CENPP: variants seen among roughly 807,000 people sequenced by gnomAD.
The protein encoded by CENPP is centromere protein P.
A neutral mutation model predicts 35.6 loss-of-function variants in CENPP; 24 were observed. The ratio of observed to expected loss-of-function variants is 0.67; its 90% CI spans 0.49 to 0.95. The LOEUF (loss-of-function observed/expected upper bound fraction) is 0.95, where lower values mean the gene tolerates loss of function less well. CENPP is among the 40% of genes least tolerant of loss of function. The pLI is 0.00. For synonymous variants in CENPP, 120 were observed against 125.5 expected (o/e 0.96, Z 0.29); for missense variants, 332 against 345.3 (o/e 0.96, Z 0.31).
intron 5 of CENPP, among the ~76,000 whole-genome samples, chr9:92,549,379 G>A (rs1161054822): frequency 6.6e-6 from 1 of 152,224 alleles, no homozygotes; most frequent in African/African-American, 2.4e-5. Context: ...TGGCCCAGTG[G>A]CTCAAGCCTG....
intron 5 of CENPP, among the ~76,000 whole-genome samples, chr9:92,545,581 C>A (rs10114912): frequency 0.38 from 57,397 of 152,052 alleles, 13,474 homozygotes; most frequent in African/African-American, 0.66. Flanking sequence ...GCTCTGCCCC[C>A]TGCTCCACCG....
At chr9:92,507,284 T>C (rs1245880441) in intron 5 of CENPP, among the ~76,000 whole-genome samples, 1 of 152,204 alleles carries the variant, frequency 6.6e-6, no homozygotes, top group Non-Finnish European at 1.5e-5. Context: ...CTCTTTCATT[T>C]CCAAAACTAA....
At chr9:92,505,453 T>C in intron 5 of CENPP, 1 of 1,227,242 alleles carries the variant, frequency 8.1e-7, no homozygotes, top group Non-Finnish European at 1.1e-6. Context: ...TACATCACAA[T>C]AGTCTTAAAA....
intron 5 of CENPP, chr9:92,385,532 T>C: frequency 8.7e-7 from 1 of 1,155,272 alleles, no homozygotes; most frequent in Non-Finnish European, 1.2e-6. Flanking sequence ...AAGGTTAATA[T>C]TAAACCAATA....
Position 92,385,895 on chromosome 9 carries a change from A to G in CENPP, c.564+6036A>G, listed in dbSNP as rs375126745. The G allele has an allele frequency of 4.0e-6, 4 of 994,326 alleles. No individual in the cohort carries two copies. The African/African-American group carries it at 6.5e-5, about 16-fold the overall frequency. The allele number at this position is 994,326 out of a possible 1,614,324, so 61.6% of individuals were successfully genotyped here. On this transcript the variant is annotated intron_variant, in intron 5 of 7. Transcript: ENST00000375587. The stretch of plus-strand genomic sequence containing the variant: ...AAGTCAGAGGTCTGAGTGCCCCCTC[A>G]CTTCAAATCCTTGTGTCAAATTAAT...
At chr9:92,432,776 A>G (rs1337007975) in intron 5 of CENPP, among the ~76,000 whole-genome samples, 2 of 152,242 alleles carry the variant, frequency 1.3e-5, no homozygotes, top group Non-Finnish European at 2.9e-5. Context: ...TAGCAGTTTT[A>G]GAAATCACAT....
At chr9:92,374,539 A>G (rs1156804882) in intron 4 of CENPP, among the ~76,000 whole-genome samples, 1 of 152,194 alleles carries the variant, frequency 6.6e-6, no homozygotes, top group Non-Finnish European at 1.5e-5. Flanking sequence ...AACCTAGGTT[A>G]AATTAATACT....
chr9:92,452,917 T>C (rs969671159), intron 5 of CENPP, among the ~76,000 whole-genome samples: 8 of 152,114 alleles, frequency 5.3e-5, no homozygotes, highest in Admixed American at 4.6e-4. Context: ...CTGATGGTAG[T>C]TTGTATTTCT....
At chr9:92,480,642 A>G (rs537876324) in intron 5 of CENPP, among the ~76,000 whole-genome samples, 3 of 152,316 alleles carry the variant, frequency 2.0e-5, no homozygotes, top group African/African-American at 7.2e-5. Context: ...TCTAAGTGAA[A>G]TGGTATTTCC....
chr9:92,453,927 C>T (rs1236036867), intron 5 of CENPP, among the ~76,000 whole-genome samples: 1 of 151,546 alleles, frequency 6.6e-6, no homozygotes, highest in Admixed American at 6.6e-5. Context: ...TGAGACCAGC[C>T]TGGACAATTT....
chr9:92,401,324 C>T, intron 5 of CENPP: 1 of 501,390 alleles, frequency 2.0e-6, no homozygotes, highest in Non-Finnish European at 3.5e-6. Context: ...ATACATATTT[C>T]CATTTTATCA....
chr9:92,540,474 TTAAAA>T (rs1432626054), intron 5 of CENPP, among the ~76,000 whole-genome samples: 1 of 148,692 alleles, frequency 6.7e-6, no homozygotes, highest in Non-Finnish European at 1.5e-5. Flanking sequence ...TAAAAACATC[TTAAAA>T]TAATCAATGA....
intron 5 of CENPP, among the ~76,000 whole-genome samples, chr9:92,458,730 G>A (rs1298480665): frequency 6.6e-6 from 1 of 152,180 alleles, no homozygotes; most frequent in Non-Finnish European, 1.5e-5. Flanking sequence ...CATCAGGGAT[G>A]GGGCAGCTTG....
In CENPP at chr9:92,346,867, T is replaced by G. The variant is rs146620060; in HGVS notation, c.467+1080T>G. Among the ~76,000 whole-genome samples the G allele has an allele frequency of 2.0e-5, 3 of 152,248 alleles. No homozygotes were observed. In the East Asian group the frequency reaches 5.8e-4, roughly 29 times the overall value. ...TCATTCACAGGGGATAACTCTTTGA[T>G]TATGGTGGTCCCGTCTGCTGTTAAG... On this transcript the variant is annotated intron_variant, in intron 4 of 7. Coordinates refer to ENST00000375587, the MANE Select transcript of CENPP (RefSeq NM_001012267.3).
chr9:92,604,547 A>G (rs904594196), intron 5 of CENPP, among the ~76,000 whole-genome samples: 1 of 152,120 alleles, frequency 6.6e-6, no homozygotes, highest in South Asian at 2.1e-4. Flanking sequence ...CAGTCTGTCA[A>G]TTAGCTAATT....
At chr9:92,587,625 G>A (rs1360832486) in intron 5 of CENPP, among the ~76,000 whole-genome samples, 2 of 152,188 alleles carry the variant, frequency 1.3e-5, no homozygotes, top group African/African-American at 2.4e-5. Flanking sequence ...CCATTTATAC[G>A]AAGTATCCAC....
intron 4 of CENPP, among the ~76,000 whole-genome samples, chr9:92,361,564 C>T (rs545366980): frequency 1.8e-4 from 28 of 151,752 alleles, no homozygotes; most frequent in Non-Finnish European, 3.7e-4. Context: ...ACTGCAACCT[C>T]CGCTCCCCAG....
At chr9:92,556,096 C>T (rs1849718585) in intron 5 of CENPP, among the ~76,000 whole-genome samples, 1 of 152,092 alleles carries the variant, frequency 6.6e-6, no homozygotes, top group Admixed American at 6.6e-5. Flanking sequence ...TCATTATTGT[C>T]ATCTGGTTCA....
chr9:92,356,336 A>G (rs148631832), intron 4 of CENPP, among the ~76,000 whole-genome samples: 1,541 of 152,328 alleles, frequency 0.01, 22 homozygotes, highest in African/African-American at 0.033. Context: ...ACATCTGTTT[A>G]TAGGCTCTCT....
Sources: allele counts gnomAD v4.1 joint callset (sites outside exome capture counted in the v4.1 genomes callset), GRCh38; gene constraint gnomAD v4.1.1; transcripts MANE v1.5; gene names NCBI Gene and HGNC (gene_info 2026-07-23, HGNC 2026-07-21).